Variants in XYLT1 observed in about 807,000 individuals in gnomAD.
XYLT1 encodes the protein beta-D-xylosyltransferase 1.
XYLT1 carries 36 observed loss-of-function variants against 91.3 expected under a neutral mutation model. The observed-to-expected ratio is 0.39, with a 90% CI of 0.30 to 0.52. XYLT1 has a LOEUF of 0.52. XYLT1 is among the 20% of genes least tolerant of loss of function. The pLI, the probability that XYLT1 is intolerant of heterozygous loss-of-function variation, is 0.68. For missense variants in XYLT1, 1,242 were observed against 1,284.5 expected (o/e 0.97, Z 0.51); for synonymous variants, 588 against 532.0 (o/e 1.11, Z -1.45).
At position 17,346,189 on chromosome 16, in the gene XYLT1, G is replaced by A. The variant is rs2035141782; in HGVS notation, c.402+11823C>T. ...GAAGGTCTCACAGCAGCTAAGTGGT[G>A]AGCCAGGGGGTCTGCTGCATAGACC... On this transcript the variant is annotated intron_variant, in intron 2 of 11. Transcript: ENST00000261381. Among the ~76,000 whole-genome samples, 2 of 152,336 alleles carry A rather than the reference G, an allele frequency of 1.3e-5. 1 individual carries two copies. Among genetic ancestry groups the A allele is most frequent in the East Asian group, 3.9e-4 (2 of 5,180 alleles).
At position 17,214,246 on chromosome 16, in the gene XYLT1, A is replaced by G. The variant is rs375125266; in HGVS notation, c.914-13592T>C. 1.7e-4 allele frequency among the ~76,000 whole-genome samples: 26 copies of G among 152,356 alleles called. No homozygotes were observed. In the South Asian group the frequency reaches 5.2e-3, roughly 30 times the overall value. ...GGAAAGGCTACATAGCAGAGTGGAA[A>G]GAAGTTTCGTTTTGAAATCGGACAG... On this transcript the variant is annotated intron_variant, in intron 3 of 11. Coordinates refer to ENST00000261381, the MANE Select transcript of XYLT1 (RefSeq NM_022166.4).
chr16:17,121,547 C>T (rs960670191), intron 10 of XYLT1, among the ~76,000 whole-genome samples: 5 of 152,186 alleles, frequency 3.3e-5, no homozygotes, highest in South Asian at 2.1e-4. Context: ...CTTTCCATTG[C>T]GTTTATTTAT....
chr16:17,436,135 A>T (rs2036456394), intron 1 of XYLT1, among the ~76,000 whole-genome samples: 1 of 152,180 alleles, frequency 6.6e-6, no homozygotes, highest in South Asian at 2.1e-4. Context: ...GTAAGACATG[A>T]CTTTGCTCCT....
intron 1 of XYLT1, among the ~76,000 whole-genome samples, chr16:17,411,721 T>A (rs987665743): frequency 6.6e-6 from 1 of 152,160 alleles, no homozygotes; most frequent in Admixed American, 6.5e-5. Context: ...TTGTGGTACA[T>A]TCGGCTTCAC....
rs559649607 is a variant in XYLT1 at position 17,145,028 on chromosome 16, C to T, written c.1371-3659G>A. Among the ~76,000 whole-genome samples the T allele has an allele frequency of 9.2e-5, 14 of 152,336 alleles. No homozygotes were observed. In the South Asian group the frequency reaches 2.9e-3, roughly 32 times the overall value. On this transcript the variant is annotated intron_variant, in intron 6 of 11. Transcript: ENST00000261381. ...CCCCATACACATTACACAGCCACTC[C>T]CCATTCATGCTAGCCCCTGATAACC...
intron 2 of XYLT1, among the ~76,000 whole-genome samples, chr16:17,344,411 C>G (rs1446161431): frequency 6.7e-6 from 1 of 149,126 alleles, no homozygotes. Flanking sequence ...GAGAATGGCA[C>G]GAACCCGGGA....
Position 17,134,577 on chromosome 16 carries a change from G to A in XYLT1, c.1923C>T (p.Ile641=). The part of the protein sequence containing the change: ...WENVYDEPDG[I]HSLSDVTLTL... ...TGAGTGTCACGTCGCTCAGGCTGTG[G>A]ATGCCGTCAGGCTCATCGTAGACAT... Residue 641 remains isoleucine (I), a synonymous_variant, in exon 9 of 12, where the codon ATC becomes ATT. Coordinates refer to ENST00000261381, the MANE Select transcript of XYLT1 (RefSeq NM_022166.4). 1 of 1,614,220 alleles carries A rather than the reference G, an allele frequency of 6.2e-7. No homozygotes were observed. Among genetic ancestry groups the A allele is most frequent in the Non-Finnish European group, 8.5e-7 (1 of 1,180,038 alleles).
chr16:17,393,439 T>C (rs1057245537), intron 1 of XYLT1, among the ~76,000 whole-genome samples: 4 of 152,220 alleles, frequency 2.6e-5, no homozygotes, highest in Admixed American at 6.5e-5. Context: ...GTAATTCTCA[T>C]CATCCCCCCC....
intron 3 of XYLT1, 44 bp from the exon 4 acceptor site, chr16:17,200,698 G>C (rs764556187): frequency 6.3e-7 from 1 of 1,594,294 alleles, no homozygotes; most frequent in Admixed American, 1.7e-5. Flanking sequence ...GTGAGGCTCT[G>C]CCATCCTTTG....
intron 2 of XYLT1, among the ~76,000 whole-genome samples, chr16:17,306,036 G>A (rs1446732673): frequency 1.3e-5 from 2 of 152,118 alleles, no homozygotes; most frequent in Admixed American, 6.5e-5. Flanking sequence ...AACAGAAGGA[G>A]GTACCCCTGA....
chr16:17,198,298 G>T lies in XYLT1; in HGVS notation c.1203C>A (p.Tyr401Ter). 1 of 1,614,214 alleles carries T rather than the reference G, an allele frequency of 6.2e-7. No homozygotes were observed. The highest frequency in any genetic ancestry group is 8.5e-7 in the Non-Finnish European group (1 of 1,180,014). Residue 401 changes from tyrosine to a stop codon, truncating the protein, a stop_gained, in exon 5 of 12, where the codon TAC becomes TAA. Coordinates refer to ENST00000261381, the MANE Select transcript of XYLT1 (RefSeq NM_022166.4). LOFTEE classifies it high-confidence loss of function. ...CCAGGAGGTCCCGCATGCTCTGCAG[G>T]TAGGTGGACAGGAGGCTGGCTCCTC... The part of the protein sequence containing the change: ...IWGGASLLST[Y>*]LQSMRDLLEM...
intron 2 of XYLT1, among the ~76,000 whole-genome samples, chr16:17,296,635 CAG>C (rs1432462217): frequency 6.6e-6 from 1 of 152,204 alleles, no homozygotes; most frequent in Admixed American, 6.5e-5. Context: ...GGCAGGAGCG[CAG>C]AGCCCGGGGC....
At chr16:17,200,400 G>T in intron 4 of XYLT1, 82 bp downstream of exon 4, 1 of 1,525,662 alleles carries the variant, frequency 6.6e-7, no homozygotes, top group South Asian at 1.2e-5. Flanking sequence ...GTCTGGACTA[G>T]CAATGCAGAA....
chr16:17,443,814 G>C (rs1596548845), intron 1 of XYLT1, among the ~76,000 whole-genome samples: 1 of 152,132 alleles, frequency 6.6e-6, no homozygotes, highest in Non-Finnish European at 1.5e-5. Flanking sequence ...TTTGCACTTT[G>C]TCATCATATC....
intron 1 of XYLT1, among the ~76,000 whole-genome samples, chr16:17,375,463 G>A (rs576646317): frequency 1.1e-5 from 1 of 88,160 alleles, no homozygotes; most frequent in African/African-American, 4.9e-5. Context: ...GCTGTTTCTT[G>A]TTCAAGATAA....
chr16:17,282,961 C>CG (rs2034079304), intron 2 of XYLT1, among the ~76,000 whole-genome samples: 1 of 88,152 alleles, frequency 1.1e-5, no homozygotes, highest in Admixed American at 1.0e-4. Context: ...CAATAAGTCA[C>CG]CCCCCCCAAG....
intron 1 of XYLT1, among the ~76,000 whole-genome samples, chr16:17,359,634 T>C (rs941490527): frequency 2.6e-5 from 4 of 152,176 alleles, no homozygotes; most frequent in African/African-American, 9.6e-5. Context: ...CCCCCAGGCA[T>C]TGAGTCTTCC....
intron 8 of XYLT1, among the ~76,000 whole-genome samples, chr16:17,137,098 T>C (rs2030757520): frequency 2.0e-5 from 3 of 152,038 alleles, no homozygotes; most frequent in Admixed American, 1.3e-4. Flanking sequence ...CAGCTTAAGG[T>C]GGCTGGAGCT....
At chr16:17,219,519 T>C (rs1350236858) in intron 3 of XYLT1, among the ~76,000 whole-genome samples, 2 of 152,140 alleles carry the variant, frequency 1.3e-5, no homozygotes, top group African/African-American at 2.4e-5. Context: ...TTCCCTAACA[T>C]TGGTTTGAGA....
Sources: allele counts gnomAD v4.1 joint callset (sites outside exome capture counted in the v4.1 genomes callset), GRCh38; gene constraint gnomAD v4.1.1; transcripts MANE v1.5; gene names NCBI Gene and HGNC (gene_info 2026-07-23, HGNC 2026-07-21).